Variants in LTBP3 observed in about 807,000 individuals in gnomAD.
LTBP3 encodes the protein latent transforming growth factor beta binding protein 3, also known as latent-transforming growth factor beta-binding protein 3.
LTBP3 carries 97 observed loss-of-function variants against 159.7 expected under a neutral mutation model. That is an observed-to-expected ratio of 0.61 (90% CI 0.52 to 0.72). The LOEUF (loss-of-function observed/expected upper bound fraction) is 0.72. Ranked by LOEUF, LTBP3 falls within the 30% of genes least tolerant of loss-of-function variation. The probability of loss-of-function intolerance (pLI) is 0.00; values close to 1 mark genes in which losing one functional copy is unlikely to be tolerated. For synonymous variants in LTBP3, 824 were observed against 777.1 expected (o/e 1.06, Z -1.00); for missense variants, 1,584 against 1,864.3 (o/e 0.85, Z 2.77).
In LTBP3 at chr11:65,547,807, C is replaced by CGCACTCG; in HGVS notation, c.1854_1860dup (p.Glu621ArgfsTer172). 6.2e-7 allele frequency: 1 copy of CGCACTCG among 1,613,244 alleles called. No individual in the cohort carries two copies. The highest frequency in any genetic ancestry group is 8.5e-7 in the Non-Finnish European group (1 of 1,179,890). ...CTCCCCGGGCCACAGGGCTCTGCCT[C>CGCACTCG]GCACTCGTTCACATCTGAGAAGAAC... is the stretch of plus-strand genomic sequence containing the variant. On this transcript the variant is annotated frameshift_variant, in exon 13 of 28. Transcript: ENST00000301873. LOFTEE classifies it high-confidence loss of function. This position sits in a 1 kb window ranked among gnomAD's most constrained non-coding sequence, Gnocchi z 4.6.
rs773049490 is a variant in LTBP3, at chr11:65,543,498, T to C, written c.2405A>G (p.Asn802Ser). ...CTGACACTGGAAAGATCCTGGCGTG[T>C]TGCTGCAGATGCCATTGTCACACAC... ...GDVCDNGICSNTPGSFQCQCL... is the reference protein window; with the variant it reads ...GDVCDNGICSSTPGSFQCQCL... Residue 802 changes from asparagine to serine, a missense_variant, in exon 17 of 28, where the codon AAC becomes AGC. By Grantham distance (46) the Asn-to-Ser change is conservative. Around this residue, in one of 6 missense-constraint regions of LTBP3, gnomAD observed 565 missense variants for 677.7 expected, o/e 0.83. Transcript: ENST00000301873. The C allele has an allele frequency of 1.2e-6, 2 of 1,614,102 alleles. No individual in the cohort carries two copies. The highest frequency in any genetic ancestry group is 1.1e-5 in the South Asian group (1 of 91,082).
In LTBP3 at chr11:65,553,437, G is replaced by A. The variant is rs868206193; in HGVS notation, c.958C>T (p.Pro320Ser). The change falls in exon 4 of 28, where the codon CCC becomes TCC. Residue 320 changes from proline (P) to serine (S), a missense_variant. By Grantham distance (74) the Pro-to-Ser change is moderately conservative (BLOSUM62 -1). Transcript: ENST00000301873. This position sits in a 1 kb window ranked among gnomAD's most constrained non-coding sequence, Gnocchi z 6.5. Reference protein sequence around the residue: ...AWGQSKCHKCPQLQYTGVQKP... With the variant: ...AWGQSKCHKCSQLQYTGVQKP... Reference sequence around the variant, plus strand: ...CCCAAGCACTCACACTGCAGCTGGGGACACTTGTGGCACTTGCTCTGGCCC... The same window carrying A: ...CCCAAGCACTCACACTGCAGCTGGGAACACTTGTGGCACTTGCTCTGGCCC... The A allele has an allele frequency of 1.9e-6, 3 of 1,612,230 alleles. No individual in the cohort carries two copies. Among genetic ancestry groups the A allele is most frequent in the Non-Finnish European group, 2.5e-6 (3 of 1,179,826 alleles).
In LTBP3 at chr11:65,552,147, C is replaced by T. The variant is rs1396836302; in HGVS notation, c.1356G>A (p.Lys452=). ...ATCCCTTCCCAGCTGGGCAGATCTC[C>T]TTGAACGCAGCTGCAGTCAAGACAG... is the stretch of plus-strand genomic sequence containing the variant. The part of the protein sequence containing the change: ...RCPTDGTAAF[K]EICPAGKGYH... The change falls in exon 8 of 28, where the codon AAG becomes AAA. Residue 452 remains lysine (K), a synonymous_variant. Transcript: ENST00000301873. The surrounding 1 kb of genome is among the most constrained non-coding windows in gnomAD (Gnocchi z 6.0). 2 of 1,614,040 alleles carry T rather than the reference C, an allele frequency of 1.2e-6. No homozygotes were observed. Among genetic ancestry groups the T allele is most frequent in the Admixed American group, 3.3e-5 (2 of 60,002 alleles).
chr11:65,551,394 C>CA lies in LTBP3; in HGVS notation c.1621+7dup, dbSNP rs2135152140. On this transcript the variant is annotated splice_region_variant and intron_variant, in intron 10 of 27. Coordinates refer to ENST00000301873, the MANE Select transcript of LTBP3 (RefSeq NM_001130144.3). ...CTTGAGGACTCATCCCTACAGTGCC[C>CA]AGCTCACCGGGGTAGGGCCGGGCAG... 4 of 1,612,470 alleles carry CA rather than the reference C, an allele frequency of 2.5e-6. No homozygotes were observed. The East Asian group carries it at 8.9e-5, about 36-fold the overall frequency.
At chr11:65,557,579 G>A in intron 1 of LTBP3, 50 bp downstream of exon 1, 1 of 1,601,028 alleles carries the variant, frequency 6.2e-7, no homozygotes, top group South Asian at 1.1e-5. Flanking sequence ...TCTCCCACCG[G>A]GCCTGGTGCC....
In LTBP3 at chr11:65,539,799, G is replaced by A. The variant is rs1313996915; in HGVS notation, c.3468C>T (p.Ala1156=). 95 of 1,540,624 alleles carry A rather than the reference G, an allele frequency of 6.2e-5. No individual in the cohort carries two copies. The highest frequency in any genetic ancestry group is 2.3e-4 in the Admixed American group (12 of 51,108). Residue 1156 remains alanine (A), a synonymous_variant, in exon 25 of 28, where the codon GCC becomes GCT. Coordinates refer to ENST00000301873, the MANE Select transcript of LTBP3 (RefSeq NM_001130144.3). Reference sequence around the variant, plus strand: ...GGCAGCAGCAGTCGTCGAAGGTGAGGGCAGGCCCGGCCAGGGGGCCAGCGC... The same window carrying A: ...GGCAGCAGCAGTCGTCGAAGGTGAGAGCAGGCCCGGCCAGGGGGCCAGCGC... ...GMCAGPLAGP[A]LTFDDCCCRQ...
In LTBP3 at chr11:65,547,782, C is replaced by T; in HGVS notation, c.1886G>A (p.Arg629Lys). 6.2e-7 allele frequency: 1 copy of T among 1,612,806 alleles called. No individual in the cohort carries two copies. The highest frequency in any genetic ancestry group is 1.1e-5 in the South Asian group (1 of 91,044). ...ECEAEPCGPG[R>K]GICMNTGGSY... ...GCCGCCGGTGTTCATGCAGATGCCC[C>T]TCCCCGGGCCACAGGGCTCTGCCTC... Residue 629 changes from arginine to lysine, a missense_variant, in exon 13 of 28, where the codon AGG (arginine) becomes AAG (lysine). Transcript: ENST00000301873. The surrounding 1 kb of genome is among the most constrained non-coding windows in gnomAD (Gnocchi z 4.6).
Position 65,540,057 on chromosome 11 carries a change from G to C in LTBP3, c.3341C>G (p.Pro1114Arg), listed in dbSNP as rs1856016640. 4 of 1,521,162 alleles carry C rather than the reference G, an allele frequency of 2.6e-6. No individual in the cohort carries two copies. The highest frequency in any genetic ancestry group is 3.5e-6 in the Non-Finnish European group (4 of 1,140,068). The allele number at this position is 1,521,162 out of a possible 1,614,324, so 94.2% of individuals were successfully genotyped here. ...CTGGCAATCGCGGCCGGAGGGCCCG[G>C]GCACCCAGGGCGGGCGACACTCGCA... ...YRCECRPPWV[P>R]GPSGRDCQLP... The change falls in exon 24 of 28, where the codon CCC becomes CGC. Residue 1114 changes from proline (P) to arginine (R), a missense_variant. By Grantham distance (103) the Pro-to-Arg change is moderately radical. Around this residue, in one of 6 missense-constraint regions of LTBP3, gnomAD observed 514 missense variants for 530.3 expected, o/e 0.97. Coordinates refer to ENST00000301873, the MANE Select transcript of LTBP3 (RefSeq NM_001130144.3).
At chr11:65,542,915 A>T (rs1251363680) in intron 18 of LTBP3, 190 bp downstream of exon 18, 1 of 787,330 alleles carries the variant, frequency 1.3e-6, no homozygotes, top group Non-Finnish European at 2.1e-6. Flanking sequence ...GATGAATGGA[A>T]GGATGGATGG....
intron 8 of LTBP3, 110 bp from the exon 9 acceptor site, chr11:65,551,674 A>G: frequency 7.3e-7 from 1 of 1,375,732 alleles, no homozygotes; most frequent in South Asian, 1.2e-5. Context: ...TTCAACAATC[A>G]TGTCTCCAGG....
At chr11:65,551,330 C>T (rs1429550771) in intron 10 of LTBP3, 72 bp downstream of exon 10, 5 of 1,574,576 alleles carry the variant, frequency 3.2e-6, no homozygotes, top group South Asian at 1.1e-5. Flanking sequence ...TCCCCGAGTA[C>T]TTAAACTGTG....
rs1856387049 is a variant in LTBP3, at chr11:65,546,718, C to T, written c.2230+80G>A. 6.6e-7 allele frequency: 1 copy of T among 1,521,130 alleles called. No individual in the cohort carries two copies. The highest frequency in any genetic ancestry group is 8.8e-7 in the Non-Finnish European group (1 of 1,130,372). The allele number at this position is 1,521,130 out of a possible 1,614,324, so 94.2% of individuals were successfully genotyped here. On this transcript the variant is annotated intron_variant, in intron 15 of 27. Transcript: ENST00000301873. The surrounding 1 kb of genome is among the most constrained non-coding windows in gnomAD (Gnocchi z 4.0). ...CCCCAGACGCCAATCACCACCGCTA[C>T]CCCGCCCCGCCCCCAGCGGAGCCAG...
Position 65,546,822 on chromosome 11 carries a change from T to C in LTBP3, c.2206A>G (p.Ser736Gly), listed in dbSNP as rs751809934. 5.0e-6 allele frequency: 8 copies of C among 1,607,306 alleles called. No homozygotes were observed. Among genetic ancestry groups the C allele is most frequent in the Non-Finnish European group, 6.8e-6 (8 of 1,179,562 alleles). Reference sequence around the variant, plus strand: ...CCGCGACAGGCCCCGCCCCCCTGGCTGCGGTAGCCAGGCTGACAGGCGATG... The same window carrying C: ...CCGCGACAGGCCCCGCCCCCCTGGCCGCGGTAGCCAGGCTGACAGGCGATG... ...KCIACQPGYR[S>G]QGGGACRDVN... is the part of the protein sequence containing the mutation. The change falls in exon 15 of 28, where the codon AGC (serine) becomes GGC (glycine). Residue 736 changes from serine (S) to glycine (G), a missense_variant. Ser to Gly is a moderately conservative substitution (Grantham distance 56). Coordinates refer to ENST00000301873, the MANE Select transcript of LTBP3 (RefSeq NM_001130144.3). This position sits in a 1 kb window ranked among gnomAD's most constrained non-coding sequence, Gnocchi z 4.0.
Position 65,546,669 on chromosome 11 carries a change from G to A in LTBP3, c.2231-105C>T, listed in dbSNP as rs1463966839. On this transcript the variant is annotated intron_variant, in intron 15 of 27. Coordinates refer to ENST00000301873, the MANE Select transcript of LTBP3 (RefSeq NM_001130144.3). The surrounding 1 kb of genome is among the most constrained non-coding windows in gnomAD (Gnocchi z 4.0). The stretch of plus-strand genomic sequence containing the variant: ...CCTGGAACGCGGGGTTGAGAGGGCA[G>A]CCTCTACTCCCGGAAGGCCCCGCCC... The A allele has an allele frequency of 1.9e-6, 3 of 1,555,942 alleles. No individual in the cohort carries two copies. Among genetic ancestry groups the A allele is most frequent in the African/African-American group, 1.3e-5 (1 of 74,200 alleles).
Position 65,553,840 on chromosome 11 carries a change from A to G in LTBP3, c.725T>C (p.Val242Ala). ...GGCGTTCGAGCTCTCAATGCGGTGC[A>G]CCTGGACTGAGGCCTCGGGCGGGTG... Reference protein sequence around the residue: ...VHHPPEASVQVHRIESSNAES... With the variant: ...VHHPPEASVQAHRIESSNAES... The change falls in exon 3 of 28, where the codon GTG becomes GCG. Residue 242 changes from valine (V) to alanine (A), a missense_variant. Val to Ala is a moderately conservative substitution (Grantham distance 64). This residue lies in a region of LTBP3 where 194 missense variants were observed against 198.7 expected (regional missense o/e 0.98). Transcript: ENST00000301873. The surrounding 1 kb of genome is among the most constrained non-coding windows in gnomAD (Gnocchi z 6.5). 6.4e-7 allele frequency: 1 copy of G among 1,560,888 alleles called. No homozygotes were observed. Among genetic ancestry groups the G allele is most frequent in the Non-Finnish European group, 8.6e-7 (1 of 1,161,008 alleles).
chr11:65,553,021 C>T lies in LTBP3; in HGVS notation c.1064-39G>A. The T allele has an allele frequency of 1.2e-6, 2 of 1,614,088 alleles. No individual in the cohort carries two copies. The highest frequency in any genetic ancestry group is 1.7e-6 in the Non-Finnish European group (2 of 1,179,980). ...AAGTTTGGCCCCTCTGGTCTGGGGC[C>T]ATGGGGTGACAGCAGGCTGCTCCAA... On this transcript the variant is annotated intron_variant, in intron 5 of 27. Transcript: ENST00000301873. The surrounding 1 kb of genome is among the most constrained non-coding windows in gnomAD (Gnocchi z 6.5).
At chr11:65,548,151 G>C (rs1341795139) in intron 11 of LTBP3, 106 bp from the exon 12 acceptor site, 1 of 1,519,728 alleles carries the variant, frequency 6.6e-7, no homozygotes, top group Non-Finnish European at 9.1e-7. Flanking sequence ...TCAGGTTCCT[G>C]TACGCCCATA....
Position 65,553,125 on chromosome 11 carries a change from C to T in LTBP3, c.1063+39G>A. 6.2e-7 allele frequency: 1 copy of T among 1,607,624 alleles called. No individual in the cohort carries two copies. Among genetic ancestry groups the T allele is most frequent in the Middle Eastern group, 1.7e-4 (1 of 5,952 alleles). The stretch of plus-strand genomic sequence containing the variant: ...CTCCCCACCCCCAGTGATGGCTGGC[C>T]TGCCCCTCCAGCCCACAGAATCTCC... On this transcript the variant is annotated intron_variant, in intron 5 of 27. Coordinates refer to ENST00000301873, the MANE Select transcript of LTBP3 (RefSeq NM_001130144.3). The surrounding 1 kb of genome is among the most constrained non-coding windows in gnomAD (Gnocchi z 6.5).
Position 65,546,595 on chromosome 11 carries a change from G to T in LTBP3, c.2231-31C>A, listed in dbSNP as rs774063886. Reference sequence around the variant, plus strand: ...GCGGAAAGACCTAGCCTCGGACTCTGCCCCACCGGAAGGCGGACCGCGCAC... The same window carrying T: ...GCGGAAAGACCTAGCCTCGGACTCTTCCCCACCGGAAGGCGGACCGCGCAC... On this transcript the variant is annotated intron_variant, in intron 15 of 27. Transcript: ENST00000301873. This position sits in a 1 kb window ranked among gnomAD's most constrained non-coding sequence, Gnocchi z 4.0. The T allele has an allele frequency of 1.1e-5, 17 of 1,599,512 alleles. No individual in the cohort carries two copies. The highest frequency in any genetic ancestry group is 1.9e-4 in the Middle Eastern group (1 of 5,194).
Sources: gnomAD v4.1 joint callset for allele counts on GRCh38, gnomAD v4.1.1 for gene constraint, gnomAD v4.1.1 regional missense constraint, Gnocchi (gnomAD v3.1) non-coding constraint, MANE v1.5 for transcripts, NCBI Gene and HGNC (gene_info 2026-07-23, HGNC 2026-07-21) for gene names.